WIPF1: variants seen among roughly 807,000 people sequenced by gnomAD.
WIPF1 encodes WAS/WASL-interacting protein family member 1.
Under a neutral mutation model 35.4 loss-of-function variants are expected in WIPF1, and 13 were observed. The observed-to-expected ratio is 0.37, with a 90% CI of 0.24 to 0.58. The LOEUF (loss-of-function observed/expected upper bound fraction) is 0.58, where lower values mean the gene tolerates loss of function less well. Ranked by LOEUF, WIPF1 falls within the 20% of genes least tolerant of loss-of-function variation. The pLI, the probability that WIPF1 is intolerant of heterozygous loss-of-function variation, is 0.74. For synonymous variants in WIPF1, 267 were observed against 266.3 expected, an observed-to-expected ratio of 1.00 and a Z score of -0.02; for missense variants, 591 against 667.0, an observed-to-expected ratio of 0.89 and a Z score of 1.25.
At chr2:174,607,626 T>G (rs952549816) in intron 1 of WIPF1, among the ~76,000 whole-genome samples, 3 of 151,634 alleles carry the variant, frequency 2.0e-5, no homozygotes, top group African/African-American at 7.3e-5. Context: ...TCTCCTTCCT[T>G]GACCTCTTTC....
chr2:174,658,709 AG>A (rs1687695900), intron 1 of WIPF1, among the ~76,000 whole-genome samples: 1 of 152,100 alleles, frequency 6.6e-6, no homozygotes, highest in Non-Finnish European at 1.5e-5. Context: ...GAGAAAGTGC[AG>A]GGTTGTTCAG....
chr2:174,573,958 C>T (rs1045385308), intron 4 of WIPF1, among the ~76,000 whole-genome samples: 8 of 150,688 alleles, frequency 5.3e-5, no homozygotes, highest in African/African-American at 9.8e-5. Context: ...GGTGCAATCA[C>T]GGCTCATTGC....
chr2:174,643,804 T>C (rs1047484764), intron 1 of WIPF1, among the ~76,000 whole-genome samples: 3 of 152,230 alleles, frequency 2.0e-5, no homozygotes, highest in African/African-American at 7.2e-5. Flanking sequence ...GTTGGATTTG[T>C]ATTTCTTATT....
At chr2:174,565,429 A>C (rs1350731044) in intron 7 of WIPF1, among the ~76,000 whole-genome samples, 3 of 152,198 alleles carry the variant, frequency 2.0e-5, no homozygotes, top group Non-Finnish European at 4.4e-5. Flanking sequence ...AGTTTGACTC[A>C]ATTAATTTAA....
At chr2:174,621,764 TA>T (rs1686683940) in intron 1 of WIPF1, among the ~76,000 whole-genome samples, 1 of 152,216 alleles carries the variant, frequency 6.6e-6, no homozygotes, top group Non-Finnish European at 1.5e-5. Flanking sequence ...ACTAAGTATT[TA>T]AAATCCAATG....
intron 4 of WIPF1, among the ~76,000 whole-genome samples, chr2:174,574,024 C>T (rs1684967053): frequency 6.6e-6 from 1 of 151,424 alleles, no homozygotes; most frequent in South Asian, 2.1e-4. Flanking sequence ...TGGGTAGCTG[C>T]GACTACAGGC....
intron 1 of WIPF1, among the ~76,000 whole-genome samples, chr2:174,626,311 T>G (rs1686830629): frequency 6.6e-6 from 1 of 152,226 alleles, no homozygotes; most frequent in African/African-American, 2.4e-5. Context: ...GTCCCAGAAA[T>G]CAAACCAGTG....
chr2:174,657,242 A>G (rs1687659016), intron 1 of WIPF1, among the ~76,000 whole-genome samples: 2 of 152,244 alleles, frequency 1.3e-5, no homozygotes, highest in African/African-American at 4.8e-5. Context: ...AAACCATAAA[A>G]CAAAATGCCA....
intron 5 of WIPF1, chr2:174,568,777 A>C (rs1029196677): frequency 4.6e-5 from 7 of 152,234 alleles, no homozygotes; most frequent in African/African-American, 1.7e-4. Flanking sequence ...TAGCTGTAAA[A>C]GAGTGCCAGA....
intron 1 of WIPF1, chr2:174,629,764 T>A (rs976262873): frequency 6.6e-6 from 1 of 152,170 alleles, no homozygotes; most frequent in African/African-American, 2.4e-5. Flanking sequence ...GCTGGTGAGG[T>A]ATTGAGCAGC....
intron 1 of WIPF1, among the ~76,000 whole-genome samples, chr2:174,645,722 A>C (rs1687393949): frequency 6.6e-6 from 1 of 152,230 alleles, no homozygotes; most frequent in African/African-American, 2.4e-5. Context: ...CCCTTTGACC[A>C]GCTGTCTTCA....
chr2:174,610,244 A>G (rs573684416), intron 1 of WIPF1, among the ~76,000 whole-genome samples: 1 of 152,328 alleles, frequency 6.6e-6, no homozygotes, highest in South Asian at 2.1e-4. Flanking sequence ...TAGGATCAGA[A>G]AATGTGTGAT....
At position 174,596,518 on chromosome 2, in the gene WIPF1, T is replaced by C. The variant is rs148927345; in HGVS notation, c.-39+1083A>G. 1.8e-3 allele frequency among the ~76,000 whole-genome samples: 267 copies of C among 152,340 alleles called. 1 individual carries two copies. Among genetic ancestry groups the C allele is most frequent in the Middle Eastern group, 0.017 (5 of 294 alleles). ...TTTCATCTTTCTCTCTACCAAGCTG[T>C]CTTACTTTGCTTAGTTAGAATCTTT... On this transcript the variant is annotated intron_variant, in intron 1 of 7. Transcript: ENST00000679041.
At chr2:174,566,621 A>G (rs933635166) in intron 7 of WIPF1, 1 of 153,504 alleles carries the variant, frequency 6.5e-6, no homozygotes, top group African/African-American at 2.4e-5. Flanking sequence ...GAGATTATGG[A>G]TATATTTACA....
chr2:174,634,444 G>GA (rs1233434253), intron 1 of WIPF1: 4 of 152,200 alleles, frequency 2.6e-5, no homozygotes, highest in Non-Finnish European at 5.9e-5. Flanking sequence ...AATCGTTAAA[G>GA]ACAGTTCAAG....
intron 1 of WIPF1, among the ~76,000 whole-genome samples, chr2:174,674,833 G>T (rs888746050): frequency 2.0e-5 from 3 of 151,338 alleles, no homozygotes; most frequent in Admixed American, 6.6e-5. Context: ...ACAGCTTTTG[G>T]AAAGTAATAC....
rs934803728 is a variant in WIPF1, at chr2:174,590,849, T to C, written c.-38-5238A>G. ...GATAGAAAAGCCAGACTTTCTAAAA[T>C]CTTTACTTGGTGTGTTGACTTCTAC... On this transcript the variant is annotated intron_variant, in intron 1 of 7. Coordinates refer to ENST00000679041, the MANE Select transcript of WIPF1 (RefSeq NM_001375834.1). The surrounding 1 kb of genome is among the most constrained non-coding windows in gnomAD (Gnocchi z 4.6). 4.6e-5 allele frequency among the ~76,000 whole-genome samples: 7 copies of C among 152,222 alleles called. No homozygotes were observed. Among genetic ancestry groups the C allele is most frequent in the African/African-American group, 1.7e-4 (7 of 41,466 alleles).
intron 1 of WIPF1, among the ~76,000 whole-genome samples, chr2:174,635,173 G>A (rs954041988): frequency 9.9e-5 from 15 of 152,212 alleles, no homozygotes; most frequent in African/African-American, 3.6e-4. Flanking sequence ...GTCAGACAGT[G>A]TGCCCCAATT....
intron 4 of WIPF1, 150 bp from the exon 5 acceptor site, chr2:174,572,596 G>T: frequency 8.9e-7 from 1 of 1,128,104 alleles, no homozygotes; most frequent in Non-Finnish European, 1.2e-6. Flanking sequence ...GGTTTTGTTG[G>T]TCCTTCTTGG....
Sources: gnomAD v4.1 joint callset for allele counts (sites outside exome capture counted in the v4.1 genomes callset) on GRCh38, gnomAD v4.1.1 for gene constraint, Gnocchi (gnomAD v3.1) non-coding constraint, MANE v1.5 for transcripts, NCBI Gene and HGNC (gene_info 2026-07-23, HGNC 2026-07-21) for gene names.